PIANP: variants seen among roughly 807,000 people sequenced by gnomAD.
PIANP encodes the protein PILR alpha-associated neural protein.
A neutral mutation model predicts 28.9 loss-of-function variants in PIANP; 14 were observed. The observed-to-expected ratio is 0.49, with a 90% CI of 0.32 to 0.76. The LOEUF is 0.76. Ranked by LOEUF, PIANP falls within the 30% of genes least tolerant of loss-of-function variation. PIANP has a pLI of 0.03. For missense variants in PIANP, 322 were observed against 371.8 expected (o/e 0.87, Z 1.10); for synonymous variants, 149 against 156.6 (o/e 0.95, Z 0.36).
In PIANP at chr12:6,695,218, G is replaced by A; in HGVS notation, c.*208C>T. The A allele has an allele frequency of 6.9e-7, 1 of 1,445,080 alleles. No homozygotes were observed. Among genetic ancestry groups the A allele is most frequent in the East Asian group, 2.5e-5 (1 of 39,636 alleles). The allele number at this position is 1,445,080 out of a possible 1,614,324, so 89.5% of individuals were successfully genotyped here. ...AAAGAGGGCAGAGTTGGAGTTATGG[G>A]CAGCAGAGAATAGGACACAGATCCT... On this transcript the variant is annotated 3_prime_UTR_variant, in exon 5 of 5. Transcript: ENST00000534837. The surrounding 1 kb of genome is among the most constrained non-coding windows in gnomAD (Gnocchi z 4.2).
intron 1 of PIANP, among the ~76,000 whole-genome samples, chr12:6,699,126 C>G (rs1456726350): frequency 6.6e-6 from 1 of 152,114 alleles, no homozygotes; most frequent in Non-Finnish European, 1.5e-5. Flanking sequence ...CGCCTGCAAT[C>G]CCAGCTATTC....
Position 6,697,611 on chromosome 12 carries a change from G to T in PIANP, c.199C>A (p.Pro67Thr). The T allele has an allele frequency of 6.4e-7, 1 of 1,570,318 alleles. No homozygotes were observed. ...HVCVWERAPPPSRSPRVPRSR... is the reference protein window; with the variant it reads ...HVCVWERAPPTSRSPRVPRSR... ...CTTGGGACCCGAGGAGATCGGCTTG[G>T]TGGAGGTGCTCGCTCCCACACGCAC... Residue 67 changes from proline to threonine, a missense_variant, in exon 3 of 5, where the codon CCA becomes ACA. By Grantham distance (38) the Pro-to-Thr change is conservative. Coordinates refer to ENST00000534837, the MANE Select transcript of PIANP (RefSeq NM_001244014.2). This position sits in a 1 kb window ranked among gnomAD's most constrained non-coding sequence, Gnocchi z 6.9.
chr12:6,695,194 AAG>A lies in PIANP; in HGVS notation c.*230_*231del. 1 of 1,459,874 alleles carries A rather than the reference AAG, an allele frequency of 6.8e-7. No individual in the cohort carries two copies. The highest frequency in any genetic ancestry group is 9.1e-7 in the Non-Finnish European group (1 of 1,099,036). The allele number at this position is 1,459,874 out of a possible 1,614,324, so 90.4% of individuals were successfully genotyped here. On this transcript the variant is annotated 3_prime_UTR_variant, in exon 5 of 5. Coordinates refer to ENST00000534837, the MANE Select transcript of PIANP (RefSeq NM_001244014.2). The surrounding 1 kb of genome is among the most constrained non-coding windows in gnomAD (Gnocchi z 4.2). ...GACAAGGTGGCATGAGAAAAAACCAAAGAGGGCAGAGTTGGAGTTATGGGCAG... is the reference window on the plus strand; with the variant it reads ...GACAAGGTGGCATGAGAAAAAACCAAAGGGCAGAGTTGGAGTTATGGGCAG...
At position 6,697,775 on chromosome 12, in the gene PIANP, G is replaced by A; in HGVS notation, c.35C>T (p.Ser12Phe). The A allele has an allele frequency of 6.5e-7, 1 of 1,549,194 alleles. No individual in the cohort carries two copies. Among genetic ancestry groups the A allele is most frequent in the South Asian group, 1.2e-5 (1 of 83,034 alleles). ...ESRMWPALLL[S>F]HLLPLWPLLL... is the part of the protein sequence containing the mutation. ...CAGTGGCCAGAGAGGGAGGAGGTGG[G>A]ACAGCAGCAGCGCAGGCCTGCAAGA... Residue 12 changes from serine to phenylalanine, a missense_variant, in exon 3 of 5, where the codon TCC becomes TTC. Coordinates refer to ENST00000534837, the MANE Select transcript of PIANP (RefSeq NM_001244014.2). This position sits in a 1 kb window ranked among gnomAD's most constrained non-coding sequence, Gnocchi z 6.9.
chr12:6,692,597 G>A (rs549928848), downstream of PIANP, among the ~76,000 whole-genome samples: 17 of 152,292 alleles, frequency 1.1e-4, no homozygotes, highest in African/African-American at 3.6e-4. Context: ...GCCACCTGCT[G>A]GGATATCTTC....
rs1017647861 is a variant in PIANP, at chr12:6,696,134, G to A, written c.605+309C>T. Reference sequence around the variant, plus strand: ...CTCCCCCCAGGCAACCCTAAGAAGGGCTCTGCAGACTGGGTCAGCTTTCTC... The same window carrying A: ...CTCCCCCCAGGCAACCCTAAGAAGGACTCTGCAGACTGGGTCAGCTTTCTC... On this transcript the variant is annotated intron_variant, in intron 4 of 4. Coordinates refer to ENST00000534837, the MANE Select transcript of PIANP (RefSeq NM_001244014.2). The surrounding 1 kb of genome is among the most constrained non-coding windows in gnomAD (Gnocchi z 4.0). Among the ~76,000 whole-genome samples the A allele has an allele frequency of 1.3e-5, 2 of 152,102 alleles. No homozygotes were observed. Among genetic ancestry groups the A allele is most frequent in the South Asian group, 4.1e-4 (2 of 4,826 alleles).
rs1306244682 is a variant in PIANP at position 6,695,326 on chromosome 12, C to T, written c.*100G>A. 83 of 1,397,202 alleles carry T rather than the reference C, an allele frequency of 5.9e-5. No homozygotes were observed. The highest frequency in any genetic ancestry group is 7.0e-5 in the Non-Finnish European group (75 of 1,070,406). 86.6% of individuals were successfully genotyped at this position (1,397,202 alleles called of 1,614,324 possible). A position where few individuals can be genotyped will look rare whatever the true frequency, so the allele number is the denominator to read the frequency against. Reference sequence around the variant, plus strand: ...GAGGGCCAGGGGCTGTGGGAGGCCACGCCTGCCTCCTCACTACCCATCCAG... The same window carrying T: ...GAGGGCCAGGGGCTGTGGGAGGCCATGCCTGCCTCCTCACTACCCATCCAG... On this transcript the variant is annotated 3_prime_UTR_variant, in exon 5 of 5. Transcript: ENST00000534837. The surrounding 1 kb of genome is among the most constrained non-coding windows in gnomAD (Gnocchi z 4.2).
Position 6,696,545 on chromosome 12 carries a change from GT to G in PIANP, c.524-22del. On this transcript the variant is annotated intron_variant, in intron 3 of 4. Transcript: ENST00000534837. The surrounding 1 kb of genome is among the most constrained non-coding windows in gnomAD (Gnocchi z 4.0). ...CACACCTGATTGGGGTGGGAAGAAA[GT>G]TTTAGGGAGCCCCGAGGTGGTAGGA... 1 of 1,550,990 alleles carries G rather than the reference GT, an allele frequency of 6.4e-7. No individual in the cohort carries two copies. Among genetic ancestry groups the G allele is most frequent in the South Asian group, 1.2e-5 (1 of 81,562 alleles).
chr12:6,695,774 C>T lies in PIANP; in HGVS notation c.606-123G>A. On this transcript the variant is annotated intron_variant, in intron 4 of 4. Coordinates refer to ENST00000534837, the MANE Select transcript of PIANP (RefSeq NM_001244014.2). The surrounding 1 kb of genome is among the most constrained non-coding windows in gnomAD (Gnocchi z 4.2). ...CAACATCTTATAGCAGAGAAACTGGCCTTTAACAGTTCTCTCTACTAAATC... is the reference window on the plus strand; with the variant it reads ...CAACATCTTATAGCAGAGAAACTGGTCTTTAACAGTTCTCTCTACTAAATC... The T allele has an allele frequency of 8.8e-7, 1 of 1,134,908 alleles. No individual in the cohort carries two copies. Among genetic ancestry groups the T allele is most frequent in the Non-Finnish European group, 1.1e-6 (1 of 879,452 alleles). The allele number at this position is 1,134,908 out of a possible 1,614,324, so 70.3% of individuals were successfully genotyped here.
Position 6,697,604 on chromosome 12 carries a change from C to T in PIANP, c.206G>A (p.Arg69Gln), listed in dbSNP as rs754866273. The T allele has an allele frequency of 8.3e-6, 13 of 1,574,032 alleles. No homozygotes were observed. Among genetic ancestry groups the T allele is most frequent in the Admixed American group, 7.6e-5 (4 of 52,862 alleles). The part of the protein sequence containing the change: ...CVWERAPPPS[R>Q]SPRVPRSRRQ... ...ACGTGATCTTGGGACCCGAGGAGAT[C>T]GGCTTGGTGGAGGTGCTCGCTCCCA... Residue 69 changes from arginine to glutamine, a missense_variant, in exon 3 of 5, where the codon CGA becomes CAA. By Grantham distance (43) the Arg-to-Gln change is conservative. Coordinates refer to ENST00000534837, the MANE Select transcript of PIANP (RefSeq NM_001244014.2). This position sits in a 1 kb window ranked among gnomAD's most constrained non-coding sequence, Gnocchi z 6.9.
At position 6,694,215 on chromosome 12, in the gene PIANP, C is replaced by G. The variant is rs1555101734; in HGVS notation, c.*1211G>C. The G allele has an allele frequency of 6.5e-6, 1 of 153,560 alleles. No homozygotes were observed. Among genetic ancestry groups the G allele is most frequent in the Non-Finnish European group, 1.5e-5 (1 of 68,234 alleles). 9.5% of individuals were successfully genotyped at this position (153,560 alleles called of 1,614,324 possible). The stretch of plus-strand genomic sequence containing the variant: ...ATGGCACACACACAGACAGCCAGGA[C>G]AGACAAGACAAAAGGGACTGTAGGA... On this transcript the variant is annotated 3_prime_UTR_variant, in exon 5 of 5. Transcript: ENST00000534837. This position sits in a 1 kb window ranked among gnomAD's most constrained non-coding sequence, Gnocchi z 6.1.
Position 6,697,701 on chromosome 12 carries a change from G to T in PIANP, c.109C>A (p.Arg37=), listed in dbSNP as rs1340361637. ...GGGCGGGCTGGGGCTGGTGGGGTTC[G>T]AGGGGAGGATGAAGAGCCCTGAGCA... ...PPAQGSSSSP[R]TPPAPARPPC... The change falls in exon 3 of 5, where the codon CGA becomes AGA. Residue 37 remains arginine, a synonymous_variant. Transcript: ENST00000534837. This position sits in a 1 kb window ranked among gnomAD's most constrained non-coding sequence, Gnocchi z 6.9. 6.4e-7 allele frequency: 1 copy of T among 1,556,664 alleles called. No individual in the cohort carries two copies. The highest frequency in any genetic ancestry group is 8.7e-7 in the Non-Finnish European group (1 of 1,151,696).
chr12:6,698,380 T>G, intron 1 of PIANP: 3 of 472,830 alleles, frequency 6.3e-6, no homozygotes, highest in Non-Finnish European at 1.2e-5. Flanking sequence ...TTCTTCTCAC[T>G]TCCTCTGCCC....
At chr12:6,699,902 T>G (rs1049220729) in intron 1 of PIANP, 1 of 152,014 alleles carries the variant, frequency 6.6e-6, no homozygotes, top group Non-Finnish European at 1.5e-5. Context: ...GGAAGAAAGC[T>G]AGAGGGAGGG....
Position 6,697,552 on chromosome 12 carries a change from G to A in PIANP, c.258C>T (p.Pro86=), listed in dbSNP as rs1305424946. 2 of 1,605,974 alleles carry A rather than the reference G, an allele frequency of 1.2e-6. No homozygotes were observed. Among genetic ancestry groups the A allele is most frequent in the Non-Finnish European group, 1.7e-6 (2 of 1,176,344 alleles). Residue 86 remains proline, a synonymous_variant, in exon 3 of 5, where the codon CCC becomes CCT. Coordinates refer to ENST00000534837, the MANE Select transcript of PIANP (RefSeq NM_001244014.2). This position sits in a 1 kb window ranked among gnomAD's most constrained non-coding sequence, Gnocchi z 6.9. ...SRRQVLPGTA[P]PATPSGFEEG... ...CCTCAAAGCCTGATGGGGTGGCTGG[G>A]GGTGCAGTGCCAGGCAGGACTTGCC...
chr12:6,695,115 G>C lies in PIANP; in HGVS notation c.*311C>G. On this transcript the variant is annotated 3_prime_UTR_variant, in exon 5 of 5. Coordinates refer to ENST00000534837, the MANE Select transcript of PIANP (RefSeq NM_001244014.2). The surrounding 1 kb of genome is among the most constrained non-coding windows in gnomAD (Gnocchi z 4.2). ...ACCAAGGGGTAGGCCAGAATAGAAGGGGAAGTTCAAGACAAAGAGGGGGAA... is the reference window on the plus strand; with the variant it reads ...ACCAAGGGGTAGGCCAGAATAGAAGCGGAAGTTCAAGACAAAGAGGGGGAA... 6.5e-7 allele frequency: 1 copy of C among 1,543,086 alleles called. No homozygotes were observed. Among genetic ancestry groups the C allele is most frequent in the Non-Finnish European group, 8.7e-7 (1 of 1,144,174 alleles).
rs1384955909 is a variant in PIANP, at chr12:6,695,142, C to A, written c.*284G>T. On this transcript the variant is annotated 3_prime_UTR_variant, in exon 5 of 5. Coordinates refer to ENST00000534837, the MANE Select transcript of PIANP (RefSeq NM_001244014.2). The surrounding 1 kb of genome is among the most constrained non-coding windows in gnomAD (Gnocchi z 4.2). ...GAAGTTCAAGACAAAGAGGGGGAAT[C>A]AAGGTTAAGAGGGCAGAGTTGTCTT... 7.9e-6 allele frequency: 12 copies of A among 1,514,868 alleles called. No homozygotes were observed. The East Asian group carries it at 2.7e-4, about 34-fold the overall frequency. 93.8% of individuals were successfully genotyped at this position (1,514,868 alleles called of 1,614,324 possible).
chr12:6,698,717 T>C (rs1156798646), intron 1 of PIANP, among the ~76,000 whole-genome samples: 1 of 152,216 alleles, frequency 6.6e-6, no homozygotes, highest in Non-Finnish European at 1.5e-5. Context: ...ATTTTTGCTC[T>C]TAATGTTTAA....
rs1959930014 is a variant in PIANP, at chr12:6,697,926, C to G, written c.17+119G>C. ...GGCCTTGGGAAGACTCGCCTCATTT[C>G]CCATCTTCCAAAGGAGGATGGCCCT... On this transcript the variant is annotated intron_variant, in intron 2 of 4. Coordinates refer to ENST00000534837, the MANE Select transcript of PIANP (RefSeq NM_001244014.2). This position sits in a 1 kb window ranked among gnomAD's most constrained non-coding sequence, Gnocchi z 6.9. 2.0e-6 allele frequency: 3 copies of G among 1,516,400 alleles called. No homozygotes were observed. Among genetic ancestry groups the G allele is most frequent in the Non-Finnish European group, 2.7e-6 (3 of 1,120,854 alleles). The allele number at this position is 1,516,400 out of a possible 1,614,324, so 93.9% of individuals were successfully genotyped here.
Sources: allele counts gnomAD v4.1 joint callset (sites outside exome capture counted in the v4.1 genomes callset), GRCh38; gene constraint gnomAD v4.1.1; non-coding constraint Gnocchi (gnomAD v3.1); transcripts MANE v1.5; gene names NCBI Gene and HGNC (gene_info 2026-07-23, HGNC 2026-07-21).